Variants in EIF3A observed in about 807,000 individuals in gnomAD.
The protein encoded by EIF3A is eukaryotic translation initiation factor 3 subunit A.
Under a neutral mutation model 186.6 loss-of-function variants are expected in EIF3A, and 21 were observed. That is an observed-to-expected ratio of 0.11 (90% confidence interval 0.08 to 0.16). The LOEUF is 0.16. EIF3A is among the 10% of genes least tolerant of loss of function. The pLI is 1.00. For synonymous variants in EIF3A, 563 were observed against 584.3 expected (o/e 0.96, Z 0.52); for missense variants, 1,306 against 1,796.3 (o/e 0.73, Z 4.93).
At chr10:119,078,472 T>C (rs1300905023) in intron 1 of EIF3A, among the ~76,000 whole-genome samples, 1 of 152,234 alleles carries the variant, frequency 6.6e-6, no homozygotes, top group African/African-American at 2.4e-5. Flanking sequence ...GTAAAACATT[T>C]AGATAAAATG....
At chr10:119,050,421 A>G (rs1271869444) in intron 16 of EIF3A, 100 bp downstream of exon 16, 1 of 1,260,940 alleles carries the variant, frequency 7.9e-7, no homozygotes, top group Non-Finnish European at 1.1e-6. Context: ...TAAAAGGCCA[A>G]TTACCTTGAT....
chr10:119,072,401 G>C (rs1004868795), intron 4 of EIF3A, among the ~76,000 whole-genome samples: 1 of 151,748 alleles, frequency 6.6e-6, no homozygotes, highest in Non-Finnish European at 1.5e-5. Context: ...CTCCTTTAAA[G>C]AGTAAAACAA....
intron 14 of EIF3A, among the ~76,000 whole-genome samples, chr10:119,054,800 T>G (rs1301769456): frequency 1.3e-5 from 2 of 152,170 alleles, no homozygotes; most frequent in African/African-American, 4.8e-5. Flanking sequence ...TCAACATGCC[T>G]TCCTCACTAA....
chr10:119,049,850 C>A lies in EIF3A; in HGVS notation c.2609G>T (p.Arg870Leu), dbSNP rs749303672. 1.2e-6 allele frequency: 2 copies of A among 1,614,038 alleles called. No homozygotes were observed. The highest frequency in any genetic ancestry group is 2.7e-5 in the African/African-American group (2 of 74,908). ...QRELEIEERE[R>L]RREEERRLGD... ...AAGTCTTCTCTCTTCCTCTCTACGC[C>A]GTTCTCGTTCTTCAATTTCCAACTC... is the stretch of plus-strand genomic sequence containing the variant. The change falls in exon 17 of 22, where the codon CGG (arginine) becomes CTG (leucine). Residue 870 changes from arginine (R) to leucine (L), a missense_variant. Physicochemically the swap from Arg to Leu is moderately radical, Grantham distance 102. This residue lies in a region of EIF3A where 410 missense variants were observed against 473.5 expected (regional missense o/e 0.87). Transcript: ENST00000369144.
rs1458079536 is a variant in EIF3A at position 119,035,056 on chromosome 10, TTTTA to T, written c.*979_*982del. 2.0e-5 allele frequency: 3 copies of T among 152,670 alleles called. No homozygotes were observed. Among genetic ancestry groups the T allele is most frequent in the Admixed American group, 1.3e-4 (2 of 15,284 alleles). The allele number at this position is 152,670 out of a possible 1,614,324, so 9.5% of individuals were successfully genotyped here. A position where few individuals can be genotyped will look rare whatever the true frequency, so the allele number is the denominator to read the frequency against. On this transcript the variant is annotated 3_prime_UTR_variant, in exon 22 of 22. Coordinates refer to ENST00000369144, the MANE Select transcript of EIF3A (RefSeq NM_003750.4). ...AACACTAAAACAAATTCTGTAAGTA[TTTTA>T]TTTATCACTGAAGAAAAAACACAGC...
At position 119,037,224 on chromosome 10, in the gene EIF3A, C is replaced by CATCCCT. The variant is rs1323250642; in HGVS notation, c.3808_3813dup (p.Arg1270_Asp1271dup). The CATCCCT allele has an allele frequency of 1.9e-6, 3 of 1,614,130 alleles. No individual in the cohort carries two copies. Among genetic ancestry groups the CATCCCT allele is most frequent in the South Asian group, 1.1e-5 (1 of 91,080 alleles). ...CGGTCATCCCTCTCACGGCGACGGT[C>CATCCCT]ATCCCTATCCCTATCGTCCCGGCGA... On this transcript the variant is annotated inframe_insertion, in exon 21 of 22. Transcript: ENST00000369144.
Position 119,042,495 on chromosome 10 carries a change from A to G in EIF3A, c.3025T>C (p.Trp1009Arg). 1 of 1,614,114 alleles carries G rather than the reference A, an allele frequency of 6.2e-7. No homozygotes were observed. The highest frequency in any genetic ancestry group is 8.5e-7 in the Non-Finnish European group (1 of 1,180,026). The change falls in exon 19 of 22, where the codon TGG (tryptophan) becomes CGG (arginine). Residue 1009 changes from tryptophan (W) to arginine (R), a missense_variant. By Grantham distance (101) the Trp-to-Arg change is moderately radical. Around this residue, in one of 8 missense-constraint regions of EIF3A, gnomAD observed 410 missense variants for 473.5 expected, o/e 0.87. Transcript: ENST00000369144. This position sits in a 1 kb window ranked among gnomAD's most constrained non-coding sequence, Gnocchi z 7.8. ...GGTCTGTCATCATCCGCATGACGCC[A>G]GTTTCCCCTGTCTTCATCGGCAATT... ...RRIADEDRGN[W>R]RHADDDRPPR...
intron 14 of EIF3A, among the ~76,000 whole-genome samples, chr10:119,054,208 A>C (rs537601229): frequency 3.7e-4 from 57 of 152,236 alleles, no homozygotes; most frequent in African/African-American, 1.2e-3. Flanking sequence ...GACGTGAGCC[A>C]CCAGGCCTGG....
intron 19 of EIF3A, among the ~76,000 whole-genome samples, chr10:119,039,435 C>A (rs2119817443): frequency 6.6e-6 from 1 of 151,740 alleles, no homozygotes; most frequent in African/African-American, 2.4e-5. Flanking sequence ...ATTTGGGAGG[C>A]TGAGGAGGGT....
At chr10:119,037,061 C>T (rs1359400772) in intron 21 of EIF3A, 58 bp downstream of exon 21, 2 of 37,590 alleles carry the variant, frequency 5.3e-5, no homozygotes, top group Non-Finnish European at 1.1e-4. Flanking sequence ...TAACCCAAAT[C>T]CCCCCCCCCC....
chr10:119,061,236 C>A lies in EIF3A; in HGVS notation c.1215G>T (p.Glu405Asp). 6.4e-7 allele frequency: 1 copy of A among 1,563,170 alleles called. No homozygotes were observed. ...TACAAAGGCTTACCTTTGTGACTCG[C>A]TCACAGAGTTTTAATGGGTTAAATT... The part of the protein sequence containing the change: ...EVEFNPLKLC[E>D]RVTKVLNWVR... Residue 405 changes from glutamate (E) to aspartate (D), a missense_variant, in exon 8 of 22, where the codon GAG (glutamate) becomes GAT (aspartate). Physicochemically the swap from Glu to Asp is conservative, Grantham distance 45. Coordinates refer to ENST00000369144, the MANE Select transcript of EIF3A (RefSeq NM_003750.4).
rs536896458 is a variant in EIF3A, at chr10:119,035,489, C to T, written c.*550G>A. 4 of 150,088 alleles carry T rather than the reference C, an allele frequency of 2.7e-5. No individual in the cohort carries two copies. Among genetic ancestry groups the T allele is most frequent in the African/African-American group, 4.9e-5 (2 of 41,002 alleles). The allele number at this position is 150,088 out of a possible 1,614,324, so 9.3% of individuals were successfully genotyped here. ...AAGTAAAATCTAAAGAAAACCCCAC[C>T]GTATCCAATGTTTGTAATGTTTACT... On this transcript the variant is annotated 3_prime_UTR_variant, in exon 22 of 22. Coordinates refer to ENST00000369144, the MANE Select transcript of EIF3A (RefSeq NM_003750.4).
chr10:119,063,003 G>A (rs539759515), intron 7 of EIF3A, among the ~76,000 whole-genome samples: 3 of 151,598 alleles, frequency 2.0e-5, no homozygotes, highest in Non-Finnish European at 2.9e-5. Context: ...TGATCCACCC[G>A]CCTTGGCCTC....
intron 12 of EIF3A, among the ~76,000 whole-genome samples, chr10:119,057,406 A>T (rs1024426284): frequency 1.3e-5 from 2 of 152,240 alleles, no homozygotes; most frequent in African/African-American, 4.8e-5. Flanking sequence ...GTCAAAATGC[A>T]TTCAAAACTT....
chr10:119,055,094 G>A (rs530552461), intron 14 of EIF3A, among the ~76,000 whole-genome samples: 44 of 152,280 alleles, frequency 2.9e-4, no homozygotes, highest in African/African-American at 1.0e-3. Context: ...TGTAATCCCA[G>A]CTACTTGGGA....
intron 12 of EIF3A, 21 bp from the exon 13 acceptor site, chr10:119,057,061 A>G (rs950285617): frequency 7.1e-7 from 1 of 1,412,526 alleles, no homozygotes; most frequent in Non-Finnish European, 9.9e-7. Flanking sequence ...ATACAAATGC[A>G]CAATTGTTAA....
chr10:119,056,255 G>T (rs913000867), intron 14 of EIF3A, among the ~76,000 whole-genome samples: 3 of 152,136 alleles, frequency 2.0e-5, no homozygotes, highest in African/African-American at 7.2e-5. Context: ...AGTCACGAAA[G>T]ACAACACAGT....
chr10:119,051,399 T>C (rs1848354774), intron 14 of EIF3A, 78 bp from the exon 15 acceptor site: 17 of 1,403,798 alleles, frequency 1.2e-5, no homozygotes, highest in African/African-American at 1.5e-5. Flanking sequence ...GAAATACTCT[T>C]GAAAAATTAG....
chr10:119,058,664 C>A (rs975461096), intron 11 of EIF3A, among the ~76,000 whole-genome samples: 4 of 152,238 alleles, frequency 2.6e-5, no homozygotes, highest in African/African-American at 7.2e-5. Flanking sequence ...GGGTGGATCA[C>A]TTGAGGCCAG....
Sources: allele counts gnomAD v4.1 joint callset (sites outside exome capture counted in the v4.1 genomes callset), GRCh38; gene constraint gnomAD v4.1.1; regional missense constraint gnomAD v4.1.1; non-coding constraint Gnocchi (gnomAD v3.1); transcripts MANE v1.5; gene names NCBI Gene and HGNC (gene_info 2026-07-23, HGNC 2026-07-21).